Variants in AAAS observed in about 807,000 individuals in gnomAD.
AAAS encodes aladin WD repeat nucleoporin.
Under a neutral mutation model 75.6 loss-of-function variants are expected in AAAS, and 60 were observed. That is an observed-to-expected ratio of 0.79 (90% CI 0.64 to 0.98). The LOEUF is 0.98. Among genes scored for constraint, AAAS ranks in the 50% least tolerant of loss-of-function variants. The pLI is 0.00. For synonymous variants in AAAS, 271 were observed against 265.0 expected (o/e 1.02, Z -0.22); for missense variants, 658 against 686.9 (o/e 0.96, Z 0.47).
At position 53,308,744 on chromosome 12, in the gene AAAS, C is replaced by T. The variant is rs1565777301; in HGVS notation, c.1068G>A (p.Leu356=). The change falls in exon 11 of 16, where the codon CTG becomes CTA. Residue 356 remains leucine (L), a synonymous_variant. Transcript: ENST00000209873. ...ACTCACCACAACGTTCTGGAAAAGA[C>T]AGGGAGTAAATCAGTGGCTCTCCCA... is the stretch of plus-strand genomic sequence containing the variant. ...TVLGEPLIYS[L]SFPERCGEGK... The T allele has an allele frequency of 1.2e-5, 20 of 1,614,130 alleles. No individual in the cohort carries two copies. Among genetic ancestry groups the T allele is most frequent in the Non-Finnish European group, 1.7e-5 (20 of 1,180,040 alleles).
At position 53,308,277 on chromosome 12, in the gene AAAS, C is replaced by T; in HGVS notation, c.1249+5G>A. On this transcript the variant is annotated splice_donor_5th_base_variant and intron_variant, in intron 13 of 15. Coordinates refer to ENST00000209873, the MANE Select transcript of AAAS (RefSeq NM_015665.6). The stretch of plus-strand genomic sequence containing the variant: ...TGGGCTGAGCCCTTCATCCTTGCCT[C>T]TCACCTTTCATAAGCACAGCCAGAC... 1.2e-6 allele frequency: 2 copies of T among 1,614,180 alleles called. No individual in the cohort carries two copies. The highest frequency in any genetic ancestry group is 1.7e-6 in the Non-Finnish European group (2 of 1,180,026).
rs758388394 is a variant in AAAS at position 53,315,338 on chromosome 12, C to G, written c.396G>C (p.Leu132=). The G allele has an allele frequency of 2.5e-6, 4 of 1,614,008 alleles. No individual in the cohort carries two copies. Among genetic ancestry groups the G allele is most frequent in the South Asian group, 1.1e-5 (1 of 91,086 alleles). The stretch of plus-strand genomic sequence containing the variant: ...CTGGGGAGGAAGCCAAACTTACAGA[C>G]AGATGGGGGAACAGGGACCCATGGA... ...SSLHGSLFPH[L]SLRSEDLIAE... Residue 132 remains leucine, a synonymous_variant, in exon 4 of 16, where the codon CTG becomes CTC. Transcript: ENST00000209873.
intron 2 of AAAS, 104 bp downstream of exon 2, chr12:53,320,461 G>C: frequency 1.3e-6 from 2 of 1,503,094 alleles, no homozygotes; most frequent in Non-Finnish European, 1.8e-6. Flanking sequence ...CGTGGAGACA[G>C]CCTGAATAAA....
At position 53,315,367 on chromosome 12, in the gene AAAS, A is replaced by C. The variant is rs773370330; in HGVS notation, c.367T>G (p.Ser123Ala). Residue 123 changes from serine (S) to alanine (A), a missense_variant, in exon 4 of 16, where the codon TCC becomes GCC. Coordinates refer to ENST00000209873, the MANE Select transcript of AAAS (RefSeq NM_015665.6). ...TGGGGGAACAGGGACCCATGGAGGG[A>C]AGAGGCCCATCGACAGAGTGCCAGG... ...WALALCRWAS[S>A]LHGSLFPHLS... 5.6e-6 allele frequency: 9 copies of C among 1,614,164 alleles called. No individual in the cohort carries two copies. Among genetic ancestry groups the C allele is most frequent in the Non-Finnish European group, 7.6e-6 (9 of 1,180,046 alleles).
chr12:53,314,336 A>G lies in AAAS; in HGVS notation c.651T>C (p.Ile217=). 1 of 1,614,174 alleles carries G rather than the reference A, an allele frequency of 6.2e-7. No individual in the cohort carries two copies. Among genetic ancestry groups the G allele is most frequent in the Non-Finnish European group, 8.5e-7 (1 of 1,180,030 alleles). Residue 217 remains isoleucine (I), a synonymous_variant, in exon 7 of 16, where the codon ATT becomes ATC. Coordinates refer to ENST00000209873, the MANE Select transcript of AAAS (RefSeq NM_015665.6). Reference sequence around the variant, plus strand: ...AGGTAGGGTCCAGGGTCCAGATAAGAATGCAGCTCTGGCAGGCCACAGCCA... The same window carrying G: ...AGGTAGGGTCCAGGGTCCAGATAAGGATGCAGCTCTGGCAGGCCACAGCCA... The part of the protein sequence containing the change: ...SVLAVACQSC[I]LIWTLDPTSL...
intron 1 of AAAS, 118 bp from the exon 2 acceptor site, chr12:53,320,810 C>T: frequency 8.2e-7 from 1 of 1,217,316 alleles, no homozygotes; most frequent in South Asian, 1.3e-5. Context: ...GTCTGTTTCC[C>T]ATTTCCACAA....
At chr12:53,309,057 C>CT in intron 9 of AAAS, 37 bp from the exon 10 acceptor site, 3 of 1,614,210 alleles carry the variant, frequency 1.9e-6, no homozygotes, top group South Asian at 1.1e-5. Context: ...CTCAGGACCT[C>CT]TAAGTTCTAA....
At chr12:53,321,283 C>T (rs1944549926) in intron 1 of AAAS, 60 bp downstream of exon 1, 1 of 1,594,730 alleles carries the variant, frequency 6.3e-7, no homozygotes, top group South Asian at 1.1e-5. Context: ...CCTCCTTTCC[C>T]CAGTAGTCCC....
intron 2 of AAAS, among the ~76,000 whole-genome samples, chr12:53,319,387 A>G (rs1453557974): frequency 1.3e-5 from 2 of 152,170 alleles, no homozygotes; most frequent in African/African-American, 4.8e-5. Flanking sequence ...AGAAAAGAAC[A>G]TGGTTTCGCC....
intron 2 of AAAS, 105 bp downstream of exon 2, chr12:53,320,460 A>G: frequency 6.7e-7 from 1 of 1,499,616 alleles, no homozygotes; most frequent in Non-Finnish European, 9.3e-7. Context: ...TCGTGGAGAC[A>G]GCCTGAATAA....
intron 7 of AAAS, among the ~76,000 whole-genome samples, chr12:53,312,834 ATG>A (rs1158027819): frequency 7.6e-5 from 11 of 144,114 alleles, no homozygotes; most frequent in African/African-American, 2.5e-4. Flanking sequence ...TAAAACATAT[ATG>A]TGTGTGTGTG....
rs939524283 is a variant in AAAS at position 53,310,558 on chromosome 12, C to CAA, written c.690-839_690-838dup. Among the ~76,000 whole-genome samples, 12 of 76,420 alleles carry CAA rather than the reference C, an allele frequency of 1.6e-4. No individual in the cohort carries two copies. The East Asian group carries it at 2.2e-3, about 14-fold the overall frequency. 50.1% of individuals were successfully genotyped at this position (76,420 alleles called of 152,430 possible). On this transcript the variant is annotated intron_variant, in intron 7 of 15. Transcript: ENST00000209873. Reference sequence around the variant, plus strand: ...CTGGCGACAGAGCGAGACTCCGTCTCAAAAAAAAAAAAAAAAAAGATGCAG... The same window carrying CAA: ...CTGGCGACAGAGCGAGACTCCGTCTCAAAAAAAAAAAAAAAAAAAAGATGCAG...
chr12:53,317,250 T>C (rs10783570), intron 2 of AAAS, among the ~76,000 whole-genome samples: 141,180 of 151,714 alleles, frequency 0.93, 66,523 homozygotes, highest in East Asian at 1. Flanking sequence ...TGGTGAAACC[T>C]CATCTCTATT....
intron 7 of AAAS, among the ~76,000 whole-genome samples, chr12:53,311,107 A>G (rs1944382370): frequency 6.6e-6 from 1 of 151,730 alleles, no homozygotes. Context: ...ACGCCCAGCT[A>G]GTTTTTTTAT....
chr12:53,320,445 A>G (rs943807287), intron 2 of AAAS, 120 bp downstream of exon 2: 1 of 1,374,866 alleles, frequency 7.3e-7, no homozygotes, highest in African/African-American at 1.4e-5. Flanking sequence ...TAGGATATAC[A>G]GCTCTCGTGG....
intron 9 of AAAS, 60 bp from the exon 10 acceptor site, chr12:53,309,080 C>T: frequency 2.5e-6 from 4 of 1,614,218 alleles, no homozygotes; most frequent in South Asian, 1.1e-5. Flanking sequence ...GTTGGACCTA[C>T]CTCCCTTGAC....
rs373268179 is a variant in AAAS at position 53,308,344 on chromosome 12, C to T, written c.1187G>A (p.Gly396Glu). The T allele has an allele frequency of 6.2e-7, 1 of 1,614,182 alleles. No homozygotes were observed. Among genetic ancestry groups the T allele is most frequent in the Admixed American group, 1.7e-5 (1 of 60,018 alleles). ...CCAGACCATGGAGTGAGCCTCTCCC[C>T]CAAGCCTGTGGGTAAGGACAGGTTA... ...IQTPDGEERL[G>E]GEAHSMVWDP... The change falls in exon 13 of 16, where the codon GGG becomes GAG. Residue 396 changes from glycine (G) to glutamate (E), a missense_variant. Gly to Glu is a moderately conservative substitution (Grantham distance 98). Coordinates refer to ENST00000209873, the MANE Select transcript of AAAS (RefSeq NM_015665.6).
intron 6 of AAAS, 62 bp from the exon 7 acceptor site, chr12:53,314,503 T>G (rs1592518369): frequency 2.5e-6 from 4 of 1,606,506 alleles, no homozygotes. Context: ...GGGACCAGAG[T>G]GCAGTTAAGG....
Position 53,315,143 on chromosome 12 carries a change from G to T in AAAS, c.400-3C>A. On this transcript the variant is annotated splice_polypyrimidine_tract_variant and splice_region_variant and intron_variant, in intron 4 of 15. Coordinates refer to ENST00000209873, the MANE Select transcript of AAAS (RefSeq NM_015665.6). Reference sequence around the variant, plus strand: ...GCGATCAGATCTTCGCTCCTGAGCTGTAAGAACAAGATAGACACAGGACAC... The same window carrying T: ...GCGATCAGATCTTCGCTCCTGAGCTTTAAGAACAAGATAGACACAGGACAC... 1 of 1,614,128 alleles carries T rather than the reference G, an allele frequency of 6.2e-7. No individual in the cohort carries two copies. The highest frequency in any genetic ancestry group is 1.1e-5 in the South Asian group (1 of 91,082).
Sources: gnomAD v4.1 joint callset for allele counts (sites outside exome capture counted in the v4.1 genomes callset) on GRCh38, gnomAD v4.1.1 for gene constraint, MANE v1.5 for transcripts, NCBI Gene and HGNC (gene_info 2026-07-23, HGNC 2026-07-21) for gene names.